ATAD1: variants seen among roughly 807,000 people sequenced by gnomAD.
The protein encoded by ATAD1 is outer mitochondrial transmembrane helix translocase.
In ATAD1, 18 loss-of-function variants were observed where a neutral mutation model predicts 42.7. That is an observed-to-expected ratio of 0.42 (90% confidence interval 0.29 to 0.63). ATAD1 has a LOEUF of 0.63. ATAD1 is among the 20% of genes least tolerant of loss of function. The pLI, the probability that ATAD1 is intolerant of heterozygous loss-of-function variation, is 0.19. For missense variants in ATAD1, 294 were observed against 440.4 expected, an observed-to-expected ratio of 0.67 and a Z score of 2.98; for synonymous variants, 132 against 143.1, an observed-to-expected ratio of 0.92 and a Z score of 0.55.
intron 2 of ATAD1, among the ~76,000 whole-genome samples, chr10:87,793,153 G>A (rs1856210505): frequency 6.7e-6 from 1 of 150,312 alleles, no homozygotes; most frequent in African/African-American, 2.4e-5. Context: ...GGCAAGAAAT[G>A]TATAAGTGAA....
At chr10:87,767,538 G>T in intron 8 of ATAD1, 135 bp downstream of exon 8, 1 of 821,440 alleles carries the variant, frequency 1.2e-6, no homozygotes, top group Non-Finnish European at 2.0e-6. Context: ...CCATAGACCA[G>T]TACCAGTCTG....
chr10:87,816,264 A>G (rs1857410356), intron 1 of ATAD1, among the ~76,000 whole-genome samples: 1 of 152,168 alleles, frequency 6.6e-6, no homozygotes, highest in Non-Finnish European at 1.5e-5. Flanking sequence ...ATTGTAACTG[A>G]AGGAAATCTC....
chr10:87,786,343 A>C (rs988626701), intron 4 of ATAD1, among the ~76,000 whole-genome samples: 3 of 152,008 alleles, frequency 2.0e-5, no homozygotes, highest in Admixed American at 1.3e-4. Context: ...CTACCACTTC[A>C]TAAACATATT....
In ATAD1 at chr10:87,818,205, G is replaced by C; in HGVS notation, c.-52C>G. 4.1e-6 allele frequency: 4 copies of C among 985,600 alleles called. No homozygotes were observed. The highest frequency in any genetic ancestry group is 4.8e-6 in the Non-Finnish European group (4 of 830,048). The allele number at this position is 985,600 out of a possible 1,614,324, so 61.1% of individuals were successfully genotyped here. A position where few individuals can be genotyped will look rare whatever the true frequency, so the allele number is the denominator to read the frequency against. On this transcript the variant is annotated 5_prime_UTR_variant, in exon 1 of 10. Coordinates refer to ENST00000680024, the MANE Select transcript of ATAD1 (RefSeq NM_001321967.2). ...CAGCAAGAGCAAGTGCCCTCAGCCGGCCTCACACAGGAAGGAAACGCAACC... is the reference window on the plus strand; with the variant it reads ...CAGCAAGAGCAAGTGCCCTCAGCCGCCCTCACACAGGAAGGAAACGCAACC...
chr10:87,777,659 T>C (rs2131847017), intron 5 of ATAD1, among the ~76,000 whole-genome samples: 1 of 152,218 alleles, frequency 6.6e-6, no homozygotes, highest in South Asian at 2.1e-4. Context: ...TTCAAATGTT[T>C]TGTCTTATAT....
At chr10:87,796,832 C>A (rs1298308938) in intron 2 of ATAD1, among the ~76,000 whole-genome samples, 2 of 152,060 alleles carry the variant, frequency 1.3e-5, no homozygotes, top group African/African-American at 4.8e-5. Flanking sequence ...TGTGAGTATC[C>A]CCTCCAGATA....
chr10:87,780,771 A>G (rs1166954195), intron 5 of ATAD1, among the ~76,000 whole-genome samples: 1 of 152,212 alleles, frequency 6.6e-6, no homozygotes, highest in Non-Finnish European at 1.5e-5. Context: ...TACAGCATCA[A>G]AAGGTTCTGC....
At chr10:87,802,810 T>A (rs1281872373) in intron 2 of ATAD1, among the ~76,000 whole-genome samples, 3 of 152,258 alleles carry the variant, frequency 2.0e-5, no homozygotes, top group Non-Finnish European at 4.4e-5. Flanking sequence ...GTATACCTAT[T>A]GTTAGATTCT....
At chr10:87,795,406 C>T (rs958252734) in intron 2 of ATAD1, among the ~76,000 whole-genome samples, 1 of 150,882 alleles carries the variant, frequency 6.6e-6, no homozygotes. Flanking sequence ...TATGTTTATG[C>T]ATACTTTCTT....
chr10:87,792,610 C>A (rs1157582822), intron 3 of ATAD1, 47 bp downstream of exon 3: 2 of 1,312,402 alleles, frequency 1.5e-6, no homozygotes, highest in South Asian at 2.4e-5. Flanking sequence ...ATGCTAGAAC[C>A]CACCCCCACC....
chr10:87,798,383 T>A (rs1223467788), intron 2 of ATAD1, among the ~76,000 whole-genome samples: 1 of 152,310 alleles, frequency 6.6e-6, no homozygotes, highest in Non-Finnish European at 1.5e-5. Flanking sequence ...AAAACGGAAG[T>A]AACATGGTCT....
chr10:87,835,026 T>C (rs778832216), intron 1 of ATAD1, among the ~76,000 whole-genome samples: 1 of 152,098 alleles, frequency 6.6e-6, no homozygotes, highest in Non-Finnish European at 1.5e-5. Context: ...GACCCATGGA[T>C]TACTTAGAAG....
At chr10:87,830,242 A>G (rs2132108460) in intron 1 of ATAD1, among the ~76,000 whole-genome samples, 1 of 152,382 alleles carries the variant, frequency 6.6e-6, no homozygotes, top group African/African-American at 2.4e-5. Context: ...TGTGGTTAAT[A>G]TAAATACATC....
At chr10:87,821,358 T>C (rs981774310), upstream of ATAD1, among the ~76,000 whole-genome samples, 3 of 152,088 alleles carry the variant, frequency 2.0e-5, no homozygotes, top group African/African-American at 7.2e-5. Flanking sequence ...TGAAACCTTG[T>C]TTCTACTAAA....
chr10:87,758,788 G>C (rs954581575), intron 8 of ATAD1, among the ~76,000 whole-genome samples: 1 of 152,042 alleles, frequency 6.6e-6, no homozygotes, highest in African/African-American at 2.4e-5. Flanking sequence ...TTCTGCCCCT[G>C]TAGACATACA....
At chr10:87,825,414 A>C (rs1316075671) in intron 1 of ATAD1, among the ~76,000 whole-genome samples, 2 of 145,998 alleles carry the variant, frequency 1.4e-5, no homozygotes, top group African/African-American at 5.1e-5. Flanking sequence ...GGTTCACGCC[A>C]TTCTCCTGCT....
At chr10:87,780,423 A>G (rs1328951228) in intron 5 of ATAD1, among the ~76,000 whole-genome samples, 2 of 152,150 alleles carry the variant, frequency 1.3e-5, no homozygotes, top group Non-Finnish European at 2.9e-5. Context: ...TGAACCTTAA[A>G]CTATGGACTT....
At chr10:87,801,412 T>TA (rs1052160310) in intron 2 of ATAD1, among the ~76,000 whole-genome samples, 27 of 152,126 alleles carry the variant, frequency 1.8e-4, no homozygotes, top group African/African-American at 4.3e-4. Flanking sequence ...GCTTATTTAG[T>TA]AAAAAAAATT....
At chr10:87,755,299 C>T (rs1265005580) in intron 9 of ATAD1, among the ~76,000 whole-genome samples, 1 of 152,086 alleles carries the variant, frequency 6.6e-6, no homozygotes, top group Non-Finnish European at 1.5e-5. Context: ...CAGTAAAAAT[C>T]AACTAATCCA....
Sources: gnomAD v4.1 joint callset for allele counts (sites outside exome capture counted in the v4.1 genomes callset) on GRCh38, gnomAD v4.1.1 for gene constraint, MANE v1.5 for transcripts, NCBI Gene and HGNC (gene_info 2026-07-23, HGNC 2026-07-21) for gene names.